The following CACNA1C variants were observed in gnomAD, a reference collection of about 807,000 sequenced individuals.
CACNA1C encodes voltage-dependent L-type calcium channel subunit alpha-1C.
In CACNA1C, 30 loss-of-function variants were observed where a neutral mutation model predicts 229.0. The observed-to-expected ratio is 0.13, with a 90% confidence interval of 0.10 to 0.18. The LOEUF (loss-of-function observed/expected upper bound fraction) is 0.18. Ranked by LOEUF, CACNA1C falls within the 10% of genes least tolerant of loss-of-function variation. The pLI, the probability that CACNA1C is intolerant of heterozygous loss-of-function variation, is 1.00. For missense variants in CACNA1C, 1,658 were observed against 2,845.0 expected (o/e 0.58, Z 9.49); for synonymous variants, 1,114 against 1,132.5 (o/e 0.98, Z 0.33).
intron 5 of CACNA1C, among the ~76,000 whole-genome samples, chr12:2,460,662 G>A (rs2099494632): frequency 6.6e-6 from 1 of 152,180 alleles, no homozygotes; most frequent in South Asian, 2.1e-4. Flanking sequence ...GAGGATGCAG[G>A]CCTCAAATGC....
intron 3 of CACNA1C, among the ~76,000 whole-genome samples, chr12:2,437,816 G>A (rs377681650): frequency 0.021 from 3,091 of 150,226 alleles, 109 homozygotes; most frequent in African/African-American, 0.071. Context: ...GATGATGGTG[G>A]TGGTGGTAAT....
intron 1 of CACNA1C, among the ~76,000 whole-genome samples, chr12:2,035,469 A>G (rs2048972676): frequency 6.6e-6 from 1 of 152,176 alleles, no homozygotes; most frequent in African/African-American, 2.4e-5. Flanking sequence ...GTGCAGGGAA[A>G]TAGACATTTC....
At chr12:2,588,679 G>A (rs536187061) in intron 18 of CACNA1C, among the ~76,000 whole-genome samples, 9 of 152,226 alleles carry the variant, frequency 5.9e-5, no homozygotes, top group East Asian at 5.8e-4. Flanking sequence ...TGAAAAGCTC[G>A]CCAGCTGCTT....
chr12:2,611,116 A>G (rs1427814123), intron 28 of CACNA1C, among the ~76,000 whole-genome samples: 1 of 138,614 alleles, frequency 7.2e-6, no homozygotes, highest in Non-Finnish European at 1.5e-5. Flanking sequence ...AGGGGAGGAG[A>G]TGGAGAAGGG....
rs147753410 is a variant in CACNA1C at position 2,142,082 on chromosome 12, C to T, written c.477+21652C>T. Among the ~76,000 whole-genome samples the T allele has an allele frequency of 2.0e-5, 3 of 151,200 alleles. No homozygotes were observed. In the East Asian group the frequency reaches 5.8e-4, roughly 29 times the overall value. ...AAGTCCCTGGTCTGGTGGGGGACAGCCACCACCTGGCACGTGATGGTGGCA... is the reference window on the plus strand; with the variant it reads ...AAGTCCCTGGTCTGGTGGGGGACAGTCACCACCTGGCACGTGATGGTGGCA... On this transcript the variant is annotated intron_variant, in intron 3 of 46. Transcript: ENST00000399655.
intron 3 of CACNA1C, among the ~76,000 whole-genome samples, chr12:2,243,366 C>T (rs2071457213): frequency 6.6e-6 from 1 of 152,142 alleles, no homozygotes; most frequent in Non-Finnish European, 1.5e-5. Context: ...TGAGAGAGAA[C>T]CATAACTTGA....
chr12:2,262,789 C>T (rs1176121318), intron 3 of CACNA1C, among the ~76,000 whole-genome samples: 2 of 152,296 alleles, frequency 1.3e-5, no homozygotes, highest in East Asian at 1.9e-4. Context: ...AAAAGTGCTC[C>T]TTGCCCCTGC....
chr12:2,171,675 A>AG (rs1566122948), intron 3 of CACNA1C, among the ~76,000 whole-genome samples: 1 of 152,228 alleles, frequency 6.6e-6, no homozygotes, highest in Admixed American at 6.5e-5. Context: ...GAAGAATAGC[A>AG]TAGACAAGGC....
At chr12:2,041,267 A>ATTATTTT (rs2050023838) in intron 1 of CACNA1C, among the ~76,000 whole-genome samples, 1 of 99,380 alleles carries the variant, frequency 1.0e-5, no homozygotes, top group African/African-American at 4.9e-5. Flanking sequence ...TGCTAAGGGT[A>ATTATTTT]TTCTTTTTTT....
At chr12:2,515,173 G>A (rs2099793871) in intron 9 of CACNA1C, among the ~76,000 whole-genome samples, 2 of 152,332 alleles carry the variant, frequency 1.3e-5, no homozygotes, top group South Asian at 4.1e-4. Context: ...AGTTCCAGGG[G>A]ATGAGGCAGG....
intron 3 of CACNA1C, among the ~76,000 whole-genome samples, chr12:2,331,936 A>G (rs949901145): frequency 4.9e-4 from 75 of 152,352 alleles, no homozygotes; most frequent in African/African-American, 1.7e-3. Context: ...AGTGTAATGC[A>G]TGACTTAGGT....
chr12:2,075,622 T>G, intron 1 of CACNA1C, among the ~76,000 whole-genome samples: 1 of 152,258 alleles, frequency 6.6e-6, no homozygotes, highest in East Asian at 1.9e-4. Context: ...AGATCTTTCT[T>G]GCTTGCTTAA....
chr12:2,115,579 G>T, intron 2 of CACNA1C, 34 bp downstream of exon 2: 2 of 1,604,900 alleles, frequency 1.2e-6, no homozygotes. Context: ...GCATGCTCCT[G>T]GGACCTGCAC....
At chr12:2,316,598 A>G (rs1047724043) in intron 3 of CACNA1C, among the ~76,000 whole-genome samples, 3 of 152,200 alleles carry the variant, frequency 2.0e-5, no homozygotes, top group Admixed American at 6.5e-5. Flanking sequence ...GCTTGGTCTC[A>G]TGAATAGGTG....
intron 21 of CACNA1C, among the ~76,000 whole-genome samples, chr12:2,600,156 A>G (rs1421267357): frequency 6.6e-6 from 1 of 152,170 alleles, no homozygotes; most frequent in Non-Finnish European, 1.5e-5. Flanking sequence ...TGCAGGCACA[A>G]TTAATATGAA....
intron 3 of CACNA1C, among the ~76,000 whole-genome samples, chr12:2,125,446 T>C (rs1278144250): frequency 6.6e-6 from 1 of 152,184 alleles, no homozygotes; most frequent in Non-Finnish European, 1.5e-5. Flanking sequence ...AAATCACTTA[T>C]GTACCCCGAA....
chr12:2,323,882 C>T (rs1362720329), intron 3 of CACNA1C, among the ~76,000 whole-genome samples: 9 of 152,130 alleles, frequency 5.9e-5, no homozygotes, highest in Admixed American at 4.6e-4. Context: ...AGAACCTCCC[C>T]CTGGTTCCCA....
rs145602815 is a variant in CACNA1C at position 2,345,630 on chromosome 12, C to T, written c.478-103346C>T. On this transcript the variant is annotated intron_variant, in intron 3 of 46. Coordinates refer to ENST00000399655, the MANE Select transcript of CACNA1C (RefSeq NM_000719.7). ...AGTGGCACGGCTGGACTGGAACCATCTGTTTAACTTTGAAGGCTGTGCTCT... is the reference window on the plus strand; with the variant it reads ...AGTGGCACGGCTGGACTGGAACCATTTGTTTAACTTTGAAGGCTGTGCTCT... Among the ~76,000 whole-genome samples the T allele has an allele frequency of 1.1e-3, 168 of 152,294 alleles. 1 individual carries two copies. Among genetic ancestry groups the T allele is most frequent in the African/African-American group, 3.9e-3 (164 of 41,562 alleles).
At chr12:1,978,364 G>A (rs1308572652) in intron 1 of CACNA1C, among the ~76,000 whole-genome samples, 1 of 152,132 alleles carries the variant, frequency 6.6e-6, no homozygotes, top group East Asian at 1.9e-4. Flanking sequence ...AAGACGCAAA[G>A]TAATAAAGAG....
Sources: gnomAD v4.1 joint callset for allele counts (sites outside exome capture counted in the v4.1 genomes callset) on GRCh38, gnomAD v4.1.1 for gene constraint, MANE v1.5 for transcripts, NCBI Gene and HGNC (gene_info 2026-07-23, HGNC 2026-07-21) for gene names.